Variants in TIPIN observed in about 807,000 individuals in gnomAD.
TIPIN encodes TIMELESS interacting protein, also known as TIMELESS-interacting protein.
Under a neutral mutation model 35.6 loss-of-function variants are expected in TIPIN, and 29 were observed. The ratio of observed to expected loss-of-function variants is 0.82; its 90% CI spans 0.61 to 1.11. TIPIN has a LOEUF of 1.11. Among genes scored for constraint, TIPIN ranks in the 50% most tolerant of loss-of-function variants. The probability of loss-of-function intolerance (pLI) is 0.00; values close to 1 mark genes in which losing one functional copy is unlikely to be tolerated. For synonymous variants in TIPIN, 102 were observed against 121.5 expected, an observed-to-expected ratio of 0.84 and a Z score of 1.06; for missense variants, 296 against 345.4, an observed-to-expected ratio of 0.86 and a Z score of 1.13.
intron 6 of TIPIN, among the ~76,000 whole-genome samples, chr15:66,342,163 T>G (rs1467691746): frequency 2.4e-5 from 3 of 125,390 alleles, no homozygotes; most frequent in African/African-American, 9.8e-5. Flanking sequence ...CACTCCAGCC[T>G]GGGCTACAGA....
At chr15:66,343,810 C>T (rs1010002881) in intron 6 of TIPIN, among the ~76,000 whole-genome samples, 1 of 152,080 alleles carries the variant, frequency 6.6e-6, no homozygotes, top group Non-Finnish European at 1.5e-5. Context: ...ACCAGTCGGA[C>T]CAACATGGTG....
At chr15:66,375,681 C>T (rs1048034596) in intron 1 of TIPIN, among the ~76,000 whole-genome samples, 4 of 150,212 alleles carry the variant, frequency 2.7e-5, no homozygotes, top group Admixed American at 2.0e-4. Flanking sequence ...TCTACTAGTA[C>T]CAAAGGCTGC....
At chr15:66,367,467 T>C (rs1196191693) in intron 1 of TIPIN, among the ~76,000 whole-genome samples, 2 of 151,706 alleles carry the variant, frequency 1.3e-5, no homozygotes, top group Non-Finnish European at 2.9e-5. Flanking sequence ...TGATCTCGGC[T>C]CACTGCAACC....
chr15:66,357,864 G>T (rs1380628695), upstream of TIPIN, among the ~76,000 whole-genome samples: 1 of 152,038 alleles, frequency 6.6e-6, no homozygotes, highest in African/African-American at 2.4e-5. Context: ...GCTGAGGCAG[G>T]AGTATCACTT....
chr15:66,357,438 T>C (rs1207403124), upstream of TIPIN, among the ~76,000 whole-genome samples: 3 of 151,530 alleles, frequency 2.0e-5, no homozygotes, highest in Non-Finnish European at 2.9e-5. Context: ...ACATAGACAC[T>C]GGCCAGGTGC....
At chr15:66,378,095 C>T (rs2093304283) in intron 1 of TIPIN, among the ~76,000 whole-genome samples, 1 of 151,794 alleles carries the variant, frequency 6.6e-6, no homozygotes, top group Non-Finnish European at 1.5e-5. Flanking sequence ...CTCTGCCTCC[C>T]AGGTTCAAGT....
At chr15:66,370,730 C>T (rs371132712) in intron 1 of TIPIN, among the ~76,000 whole-genome samples, 7 of 152,118 alleles carry the variant, frequency 4.6e-5, no homozygotes, top group Admixed American at 2.0e-4. Context: ...AAATAACTTC[C>T]GTGTGCAATG....
chr15:66,379,920 G>A (rs542781734), intron 1 of TIPIN: 171 of 1,405,256 alleles, frequency 1.2e-4, no homozygotes, highest in South Asian at 5.8e-4. Flanking sequence ...CTTCACTCTC[G>A]CAGTACACAC....
At chr15:66,352,764 A>G in intron 2 of TIPIN, 51 bp downstream of exon 2, 1 of 1,529,780 alleles carries the variant, frequency 6.5e-7, no homozygotes, top group Non-Finnish European at 8.8e-7. Flanking sequence ...TACAGGCATG[A>G]GCCACCGTGC....
intron 6 of TIPIN, chr15:66,347,213 T>C (rs2093132254): frequency 3.9e-6 from 2 of 515,710 alleles, no homozygotes; most frequent in Non-Finnish European, 7.7e-6. Context: ...CAAACATGTA[T>C]GGAGCCATCG....
chr15:66,359,819 G>A (rs563861047), upstream of TIPIN, among the ~76,000 whole-genome samples: 3 of 152,146 alleles, frequency 2.0e-5, no homozygotes, highest in Non-Finnish European at 2.9e-5. Context: ...CCTTCCCCAC[G>A]CCGCCCCCAG....
chr15:66,353,188 A>G (rs73486082), intron 1 of TIPIN, among the ~76,000 whole-genome samples: 10,518 of 152,154 alleles, frequency 0.069, 1,205 homozygotes, highest in African/African-American at 0.24. Flanking sequence ...AAATCCTTTT[A>G]CCTCAACTAT....
At chr15:66,355,683 G>A (rs758277852) in intron 1 of TIPIN, among the ~76,000 whole-genome samples, 7 of 152,156 alleles carry the variant, frequency 4.6e-5, no homozygotes, top group Non-Finnish European at 1.0e-4. Context: ...CCCAGGAGGC[G>A]GAGCTTGCAG....
intron 1 of TIPIN, among the ~76,000 whole-genome samples, chr15:66,353,759 C>T (rs1168521702): frequency 2.6e-5 from 4 of 152,008 alleles, no homozygotes; most frequent in Non-Finnish European, 4.4e-5. Flanking sequence ...GTTGATAACT[C>T]GAAAGAATGT....
At chr15:66,370,439 T>A (rs2140489396) in intron 1 of TIPIN, among the ~76,000 whole-genome samples, 1 of 141,424 alleles carries the variant, frequency 7.1e-6, no homozygotes, top group South Asian at 2.1e-4. Flanking sequence ...ATGTCGGACG[T>A]GAAGAACCAA....
chr15:66,349,331 C>T lies in TIPIN; in HGVS notation c.395G>A (p.Ser132Asn), dbSNP rs190019854. ...DFIDRVEYLGSKKEVQTCLKR... is the reference protein window; with the variant it reads ...DFIDRVEYLGNKKEVQTCLKR... The stretch of plus-strand genomic sequence containing the variant: ...AACACTTACCTGAACTTCCTTTTTA[C>T]TTCCCAGGTATTCAACTCTGTCAAT... Residue 132 changes from serine (S) to asparagine (N), a missense_variant, in exon 5 of 8, where the codon AGT becomes AAT. By Grantham distance (46) the Ser-to-Asn change is conservative. Transcript: ENST00000261881. 30 of 1,613,728 alleles carry T rather than the reference C, an allele frequency of 1.9e-5. No homozygotes were observed. The Admixed American group carries it at 3.3e-4, about 18-fold the overall frequency.
At chr15:66,349,231 C>G in intron 5 of TIPIN, 84 bp downstream of exon 5, 1 of 1,597,210 alleles carries the variant, frequency 6.3e-7, no homozygotes, top group Non-Finnish European at 8.5e-7. Flanking sequence ...TCAAAATGAA[C>G]ACTTTAAACA....
chr15:66,369,434 C>G (rs1317941728), intron 1 of TIPIN, among the ~76,000 whole-genome samples: 1 of 147,932 alleles, frequency 6.8e-6, no homozygotes, highest in Non-Finnish European at 1.5e-5. Flanking sequence ...CTGCAAGCTC[C>G]GCCTCCCGGG....
chr15:66,381,376 T>C (rs2093318052), intron 1 of TIPIN, among the ~76,000 whole-genome samples: 1 of 152,024 alleles, frequency 6.6e-6, no homozygotes, highest in Admixed American at 6.6e-5. Flanking sequence ...AGGCGTAGGT[T>C]GCAGTGAGCC....
Sources: gnomAD v4.1 joint callset for allele counts (sites outside exome capture counted in the v4.1 genomes callset) on GRCh38, gnomAD v4.1.1 for gene constraint, MANE v1.5 for transcripts, NCBI Gene and HGNC (gene_info 2026-07-23, HGNC 2026-07-21) for gene names.